Variants in ARB2A observed in about 807,000 individuals in gnomAD.
ARB2A encodes cotranscriptional regulator ARB2A.
At chr5:94,055,550 C>G in the ARB2A span, 1 of 725,444 alleles carries the variant, frequency 1.4e-6, no homozygotes, top group Non-Finnish European at 1.7e-6. Flanking sequence ...TATACTATCC[C>G]CAATATAAAA....
At chr5:94,030,053 G>C in the ARB2A span, among the ~76,000 whole-genome samples, 4 of 152,146 alleles carry the variant, frequency 2.6e-5, no homozygotes, top group African/African-American at 9.7e-5. Context: ...ACTATCTTGA[G>C]AACAGCACAA....
the ARB2A span, among the ~76,000 whole-genome samples, chr5:93,965,525 T>C: frequency 2.6e-5 from 4 of 152,030 alleles, no homozygotes; most frequent in Non-Finnish European, 5.9e-5. Context: ...TTTATAGTAA[T>C]TTGTTATAGC....
chr5:93,744,760 G>A, the ARB2A span, among the ~76,000 whole-genome samples: 1 of 152,202 alleles, frequency 6.6e-6, no homozygotes, highest in Admixed American at 6.5e-5. Flanking sequence ...AAGACAACTG[G>A]TGCTGTTTGT....
At chr5:93,647,443 G>T in the ARB2A span, among the ~76,000 whole-genome samples, 2 of 152,168 alleles carry the variant, frequency 1.3e-5, no homozygotes, top group African/African-American at 4.8e-5. Flanking sequence ...GACCAGGCTG[G>T]TCTCAAACTC....
At chr5:93,962,473 A>C in the ARB2A span, among the ~76,000 whole-genome samples, 2 of 152,166 alleles carry the variant, frequency 1.3e-5, no homozygotes, top group Admixed American at 1.3e-4. Context: ...AAGAGCTGTC[A>C]TTTAAAAAAT....
chr5:93,781,852 C>A, the ARB2A span: 1 of 983,734 alleles, frequency 1.0e-6, no homozygotes, highest in South Asian at 4.7e-5. Context: ...CTTAAACATA[C>A]TTACAAAACA....
chr5:93,938,787 C>T, the ARB2A span, among the ~76,000 whole-genome samples: 2 of 151,938 alleles, frequency 1.3e-5, no homozygotes, highest in Non-Finnish European at 2.9e-5. Context: ...TGTTAATTTC[C>T]AGGAAAAAAG....
the ARB2A span, among the ~76,000 whole-genome samples, chr5:93,726,719 GAGTCTGTACTAGAGTAC>G: frequency 6.6e-6 from 1 of 152,068 alleles, no homozygotes; most frequent in East Asian, 1.9e-4. Context: ...TTAAAATGAA[GAGTCTGTACTAGAGTAC>G]AGTAACTGAA....
the ARB2A span, among the ~76,000 whole-genome samples, chr5:93,767,655 G>T: frequency 6.6e-6 from 1 of 151,794 alleles, no homozygotes. Context: ...AAGAAACTGT[G>T]GTGTGTATAT....
At chr5:93,916,855 C>G in the ARB2A span, among the ~76,000 whole-genome samples, 6 of 151,834 alleles carry the variant, frequency 4.0e-5, no homozygotes, top group Non-Finnish European at 5.9e-5. Context: ...AGAGGTCTTC[C>G]AAGATAGATA....
At chr5:93,683,518 G>C in the ARB2A span, 2 of 1,544,604 alleles carry the variant, frequency 1.3e-6, no homozygotes, top group Non-Finnish European at 1.8e-6. Flanking sequence ...GACTGCCTTC[G>C]TAATTCATGG....
chr5:93,974,818 C>T, the ARB2A span, among the ~76,000 whole-genome samples: 1 of 152,004 alleles, frequency 6.6e-6, no homozygotes, highest in East Asian at 1.9e-4. Flanking sequence ...AAATCAACAC[C>T]ATGAAGAACT....
At chr5:93,663,706 C>A in the ARB2A span, among the ~76,000 whole-genome samples, 2 of 152,284 alleles carry the variant, frequency 1.3e-5, no homozygotes, top group South Asian at 4.1e-4. Flanking sequence ...GAAGGAAGAT[C>A]ATCCTATTTG....
At chr5:93,645,067 A>T in the ARB2A span, among the ~76,000 whole-genome samples, 118 of 152,298 alleles carry the variant, frequency 7.7e-4, no homozygotes, top group African/African-American at 2.5e-3. Flanking sequence ...TTTCCTAAAC[A>T]TGAGGTTTCT....
the ARB2A span, among the ~76,000 whole-genome samples, chr5:93,937,520 G>C: frequency 6.6e-6 from 1 of 151,956 alleles, no homozygotes; most frequent in Non-Finnish European, 1.5e-5. Context: ...GCTGAGGCAG[G>C]AGAATCGCCT....
At chr5:93,927,829 G>GA in the ARB2A span, among the ~76,000 whole-genome samples, 1 of 152,008 alleles carries the variant, frequency 6.6e-6, no homozygotes, top group African/African-American at 2.4e-5. Flanking sequence ...AAGAGGAGGG[G>GA]AGAGGGAGAG....
chr5:93,862,964 G>A, the ARB2A span: 1 of 151,998 alleles, frequency 6.6e-6, no homozygotes, highest in Non-Finnish European at 1.5e-5. Context: ...TAGAGAAACT[G>A]CTTGTTTTTG....
the ARB2A span, among the ~76,000 whole-genome samples, chr5:93,831,294 G>C: frequency 1.7e-5 from 1 of 59,226 alleles, no homozygotes; most frequent in Non-Finnish European, 3.6e-5. Flanking sequence ...AAGCCACTCC[G>C]CTGCTAAAAA....
At chr5:93,679,873 G>A in the ARB2A span, among the ~76,000 whole-genome samples, 2 of 152,134 alleles carry the variant, frequency 1.3e-5, no homozygotes, top group Non-Finnish European at 2.9e-5. Context: ...TGGGAGAGGA[G>A]TTAGTAAGAA....
Sources: gnomAD v4.1 joint callset for allele counts (sites outside exome capture counted in the v4.1 genomes callset) on GRCh38, gnomAD v4.1.1 for gene constraint, MANE v1.5 for transcripts, NCBI Gene and HGNC (gene_info 2026-07-23, HGNC 2026-07-21) for gene names.